Variants in DYNC1I1 observed in about 807,000 individuals in gnomAD.
The protein encoded by DYNC1I1 is cytoplasmic dynein 1 intermediate chain 1.
Under a neutral mutation model 86.6 loss-of-function variants are expected in DYNC1I1, and 43 were observed. The observed-to-expected ratio is 0.50, with a 90% CI of 0.39 to 0.64. DYNC1I1 has a LOEUF of 0.64. Among genes scored for constraint, DYNC1I1 ranks in the 30% least tolerant of loss-of-function variants. The probability of loss-of-function intolerance (pLI) is 0.00; values close to 1 mark genes in which losing one functional copy is unlikely to be tolerated. For synonymous variants in DYNC1I1, 262 were observed against 283.7 expected (o/e 0.92, Z 0.77); for missense variants, 604 against 788.8 (o/e 0.77, Z 2.81).
At chr7:95,887,813 T>C (rs1313954370) in intron 6 of DYNC1I1, among the ~76,000 whole-genome samples, 1 of 152,126 alleles carries the variant, frequency 6.6e-6, no homozygotes, top group Non-Finnish European at 1.5e-5. Flanking sequence ...CCCCCGGTAT[T>C]GTATTAGAAT....
chr7:95,887,080 C>T (rs142966696), intron 6 of DYNC1I1, among the ~76,000 whole-genome samples: 73 of 152,292 alleles, frequency 4.8e-4, no homozygotes, highest in African/African-American at 1.7e-3. Flanking sequence ...CAGCCAGTCT[C>T]ATCTCCTGCT....
chr7:95,961,337 C>T (rs1044601380), intron 6 of DYNC1I1, among the ~76,000 whole-genome samples: 1 of 152,052 alleles, frequency 6.6e-6, no homozygotes, highest in African/African-American at 2.4e-5. Context: ...ATGGCTCATC[C>T]ATTCAGTGAA....
At chr7:95,924,699 C>T (rs1791696007) in intron 6 of DYNC1I1, among the ~76,000 whole-genome samples, 2 of 152,156 alleles carry the variant, frequency 1.3e-5, no homozygotes, top group Non-Finnish European at 2.9e-5. Flanking sequence ...AGAATTAGAT[C>T]AAGCTCTGTT....
At chr7:96,012,037 T>C (rs566283984) in intron 10 of DYNC1I1, among the ~76,000 whole-genome samples, 68 of 152,322 alleles carry the variant, frequency 4.5e-4, no homozygotes, top group Admixed American at 1.6e-3. Context: ...AAAACTATCC[T>C]GAAATTTTAT....
At chr7:95,800,205 G>A (rs1179998795) in intron 1 of DYNC1I1, among the ~76,000 whole-genome samples, 1 of 151,894 alleles carries the variant, frequency 6.6e-6, no homozygotes, top group African/African-American at 2.4e-5. Context: ...ATCAGTAGTA[G>A]AGAGCTGAAA....
intron 5 of DYNC1I1, among the ~76,000 whole-genome samples, chr7:95,860,963 A>G (rs1179034473): frequency 6.6e-6 from 1 of 152,150 alleles, no homozygotes; most frequent in African/African-American, 2.4e-5. Flanking sequence ...ATTTGAAACT[A>G]TGGGGTTTTC....
chr7:96,104,643 A>C (rs903312518), intron 16 of DYNC1I1, among the ~76,000 whole-genome samples: 1 of 152,098 alleles, frequency 6.6e-6, no homozygotes, highest in Non-Finnish European at 1.5e-5. Flanking sequence ...TTGTTCATTA[A>C]ATTAAATTAG....
intron 4 of DYNC1I1, among the ~76,000 whole-genome samples, chr7:95,814,843 TTTTGTGA>T (rs1301634107): frequency 1.3e-5 from 2 of 152,130 alleles, no homozygotes; most frequent in Admixed American, 1.3e-4. Flanking sequence ...AGCAAATCGC[TTTTGTGA>T]TTTGGGGCAG....
intron 5 of DYNC1I1, among the ~76,000 whole-genome samples, chr7:95,852,915 A>G (rs1789619066): frequency 6.6e-6 from 1 of 152,084 alleles, no homozygotes; most frequent in Non-Finnish European, 1.5e-5. Context: ...TTTTTGATGT[A>G]GATATTTATT....
intron 9 of DYNC1I1, 25 bp downstream of exon 9, chr7:95,987,180 C>T (rs1268508583): frequency 1.3e-6 from 2 of 1,583,538 alleles, no homozygotes; most frequent in Non-Finnish European, 8.7e-7. Context: ...TGGGCTGGGA[C>T]AAACTGGGCT....
At chr7:96,100,650 T>TGTGTGTGTG (rs1791119550), downstream of DYNC1I1, among the ~76,000 whole-genome samples, 1 of 142,848 alleles carries the variant, frequency 7.0e-6, no homozygotes, top group Non-Finnish European at 1.5e-5. Context: ...TTTGAGGGTT[T>TGTGTGTGTG]TGTGTGTGTG....
At chr7:95,817,394 T>C (rs2706880) in intron 4 of DYNC1I1, among the ~76,000 whole-genome samples, 81,304 of 151,894 alleles carry the variant, frequency 0.54, 22,430 homozygotes, top group African/African-American at 0.68. Flanking sequence ...TATATCTCTA[T>C]GCTACATAAT....
chr7:95,887,306 A>G (rs1309535803), intron 6 of DYNC1I1, among the ~76,000 whole-genome samples: 1 of 152,208 alleles, frequency 6.6e-6, no homozygotes, highest in Non-Finnish European at 1.5e-5. Flanking sequence ...CTAATCAAAG[A>G]GGATTCTAAA....
In DYNC1I1 at chr7:96,019,855, G is replaced by A. The variant is rs115501982; in HGVS notation, c.970-8320G>A. Among the ~76,000 whole-genome samples the A allele has an allele frequency of 8.1e-3, 1,240 of 152,226 alleles. 13 individuals are homozygous for A. The highest frequency in any genetic ancestry group is 0.026 in the African/African-American group (1,072 of 41,550). On this transcript the variant is annotated intron_variant, in intron 10 of 16. Coordinates refer to ENST00000447467, the MANE Select transcript of DYNC1I1 (RefSeq NM_001135556.2). The stretch of plus-strand genomic sequence containing the variant: ...AGAAGAGTCCTCTGGACCACTTACA[G>A]TGTTTAGAGATTTTTCTTCGAATCA...
chr7:95,873,352 G>A (rs547336619), intron 6 of DYNC1I1, among the ~76,000 whole-genome samples: 50 of 152,276 alleles, frequency 3.3e-4, no homozygotes, highest in African/African-American at 1.1e-3. Context: ...TTTCCAAGTA[G>A]TATAGCCATT....
intron 16 of DYNC1I1, among the ~76,000 whole-genome samples, chr7:96,085,887 C>G (rs1563000131): frequency 6.7e-6 from 1 of 148,986 alleles, no homozygotes; most frequent in Non-Finnish European, 1.5e-5. Flanking sequence ...GATAATAAGT[C>G]AAAAATTAAC....
In DYNC1I1 at chr7:95,831,180, C is replaced by A. The variant is rs573996715; in HGVS notation, c.374+3064C>A. On this transcript the variant is annotated intron_variant, in intron 5 of 16. Coordinates refer to ENST00000447467, the MANE Select transcript of DYNC1I1 (RefSeq NM_001135556.2). ...CTCTCAGTCTATGACCTGTCATTTT[C>A]ATTTTCTTAACAGTGTCTTTAAGAA... Among the ~76,000 whole-genome samples the A allele has an allele frequency of 3.9e-5, 6 of 152,190 alleles. No homozygotes were observed. In the East Asian group the frequency reaches 1.2e-3, roughly 29 times the overall value.
chr7:95,884,981 C>T (rs1280620065), intron 6 of DYNC1I1, among the ~76,000 whole-genome samples: 1 of 152,086 alleles, frequency 6.6e-6, no homozygotes, highest in Non-Finnish European at 1.5e-5. Context: ...ATTACAAGTA[C>T]TCAAAGCATT....
intron 14 of DYNC1I1, 94 bp downstream of exon 14, chr7:96,039,515 AG>A: frequency 1.3e-6 from 2 of 1,523,204 alleles, no homozygotes; most frequent in Non-Finnish European, 1.8e-6. Context: ...AGCCTCTTCC[AG>A]GCAACCTGGC....
Sources: allele counts gnomAD v4.1 joint callset (sites outside exome capture counted in the v4.1 genomes callset), GRCh38; gene constraint gnomAD v4.1.1; transcripts MANE v1.5; gene names NCBI Gene and HGNC (gene_info 2026-07-23, HGNC 2026-07-21).